Variants in C6 observed in about 807,000 individuals in gnomAD.
The protein encoded by C6 is complement component C6.
A neutral mutation model predicts 112.9 loss-of-function variants in C6; 101 were observed. That is an observed-to-expected ratio of 0.89 (90% CI 0.76 to 1.06). C6 has a LOEUF of 1.06. C6 is among the 50% of genes least tolerant of loss of function. C6 has a pLI of 0.00. For missense variants in C6, 1,202 were observed against 1,104.6 expected (o/e 1.09, Z -1.25); for synonymous variants, 431 against 384.1 (o/e 1.12, Z -1.43).
At chr5:41,219,226 A>G (rs1037944913) in intron 1 of C6, among the ~76,000 whole-genome samples, 1 of 152,176 alleles carries the variant, frequency 6.6e-6, no homozygotes, top group Non-Finnish European at 1.5e-5. Flanking sequence ...TTGAATATTT[A>G]CTAAGATTCT....
chr5:41,206,982 T>C (rs1437894873), intron 1 of C6, among the ~76,000 whole-genome samples: 1 of 152,084 alleles, frequency 6.6e-6, no homozygotes, highest in Non-Finnish European at 1.5e-5. Context: ...GAGAGAAAGG[T>C]CGGGTTACCC....
At chr5:41,208,095 C>T (rs546960219) in intron 1 of C6, among the ~76,000 whole-genome samples, 5 of 152,214 alleles carry the variant, frequency 3.3e-5, no homozygotes, top group African/African-American at 1.2e-4. Context: ...TACATGGAAA[C>T]TGAACAACCT....
chr5:41,144,830 G>A (rs1207669405), intron 17 of C6, among the ~76,000 whole-genome samples: 2 of 152,260 alleles, frequency 1.3e-5, no homozygotes, highest in East Asian at 3.9e-4. Flanking sequence ...GTAAGAACAC[G>A]TGGTATTTGG....
chr5:41,229,921 A>G (rs1257937389), intron 1 of C6, among the ~76,000 whole-genome samples: 1 of 152,186 alleles, frequency 6.6e-6, no homozygotes, highest in African/African-American at 2.4e-5. Context: ...AGGCAGAAGA[A>G]TATAAATTGT....
intron 17 of C6, among the ~76,000 whole-genome samples, chr5:41,148,176 T>A (rs1161680119): frequency 6.6e-6 from 1 of 152,310 alleles, no homozygotes; most frequent in Admixed American, 6.5e-5. Context: ...GCACTATTTA[T>A]GATAGCAAAA....
chr5:41,218,777 A>T (rs1307655632), intron 1 of C6, among the ~76,000 whole-genome samples: 8 of 152,162 alleles, frequency 5.3e-5, no homozygotes, highest in Admixed American at 3.9e-4. Flanking sequence ...CTTAAGCCGC[A>T]TGCAGGGAGA....
chr5:41,209,838 A>G (rs1309030508), intron 1 of C6, among the ~76,000 whole-genome samples: 1 of 152,206 alleles, frequency 6.6e-6, no homozygotes, highest in Non-Finnish European at 1.5e-5. Flanking sequence ...GCTACAAATG[A>G]CTTTCTTCAC....
At chr5:41,176,840 T>A (rs1173285260) in intron 7 of C6, 125 bp from the exon 8 acceptor site, 2 of 927,722 alleles carry the variant, frequency 2.2e-6, no homozygotes, top group East Asian at 5.3e-5. Flanking sequence ...ATTCTCACTC[T>A]CTATTGCATG....
chr5:41,180,962 T>C (rs576217361), intron 7 of C6, among the ~76,000 whole-genome samples: 5 of 152,134 alleles, frequency 3.3e-5, no homozygotes, highest in African/African-American at 1.2e-4. Context: ...TGTTATATTT[T>C]ATATATGTAT....
chr5:41,196,010 G>T, intron 4 of C6, 77 bp from the exon 5 acceptor site: 2 of 1,538,360 alleles, frequency 1.3e-6, no homozygotes, highest in Non-Finnish European at 8.9e-7. Flanking sequence ...AAACTCAAAT[G>T]CTTTAAATTT....
chr5:41,217,282 A>G (rs972991547), upstream of C6, among the ~76,000 whole-genome samples: 37 of 152,156 alleles, frequency 2.4e-4, no homozygotes, highest in African/African-American at 8.7e-4. Flanking sequence ...ATTGCCGGAT[A>G]TTATGATCAT....
intron 7 of C6, 76 bp from the exon 8 acceptor site, chr5:41,176,791 A>C: frequency 3.8e-6 from 5 of 1,320,916 alleles, no homozygotes; most frequent in Non-Finnish European, 5.3e-6. Context: ...AATGTCATTG[A>C]TTTATCATTA....
rs551432810 is a variant in C6, at chr5:41,256,875, G to A, written c.-21+4319C>T. ...GCCTCATGGTGCAATATCAGTGGGA[G>A]GTTCCCATACCCACTTTCCATCCCC... On this transcript the variant is annotated intron_variant, in intron 1 of 17. Transcript: ENST00000263413. Among the ~76,000 whole-genome samples the A allele has an allele frequency of 3.9e-5, 6 of 152,210 alleles. No homozygotes were observed. In the South Asian group the frequency reaches 1.0e-3, roughly 26 times the overall value.
chr5:41,242,959 G>C (rs1021484931), intron 1 of C6, among the ~76,000 whole-genome samples: 1 of 151,886 alleles, frequency 6.6e-6, no homozygotes, highest in Non-Finnish European at 1.5e-5. Context: ...GGAACTCATA[G>C]ACGCAGAGAG....
rs562110209 is a variant in C6, at chr5:41,188,277, G to A, written c.588-2069C>T. Among the ~76,000 whole-genome samples, 153 of 152,026 alleles carry A rather than the reference G, an allele frequency of 1.0e-3. 1 individual carries two copies. Among genetic ancestry groups the A allele is most frequent in the Non-Finnish European group, 1.7e-3 (114 of 67,898 alleles). ...GCCTTTTTTTGGTAAAAATTCACAA[G>A]ACAATTCTAAAATTCAAAAGACCCA... is the stretch of plus-strand genomic sequence containing the variant. On this transcript the variant is annotated intron_variant, in intron 5 of 17. Coordinates refer to ENST00000337836, the MANE Select transcript of C6 (RefSeq NM_000065.5).
intron 13 of C6, among the ~76,000 whole-genome samples, chr5:41,155,834 A>G (rs947143843): frequency 1.3e-5 from 2 of 152,198 alleles, no homozygotes; most frequent in African/African-American, 4.8e-5. Flanking sequence ...GCTAGAATAG[A>G]AAAACCATAT....
chr5:41,151,657 A>G (rs1044243558), intron 15 of C6, among the ~76,000 whole-genome samples: 1 of 152,154 alleles, frequency 6.6e-6, no homozygotes, highest in African/African-American at 2.4e-5. Context: ...CTTCAGTAGG[A>G]GAGTGCAGTG....
At chr5:41,206,209 C>T (rs1377878202) in intron 1 of C6, among the ~76,000 whole-genome samples, 1 of 152,148 alleles carries the variant, frequency 6.6e-6, no homozygotes, top group Admixed American at 6.5e-5. Context: ...CACCAAAACC[C>T]CATCTGTACG....
At chr5:41,161,949 G>A in intron 9 of C6, 90 bp from the exon 10 acceptor site, 1 of 1,295,912 alleles carries the variant, frequency 7.7e-7, no homozygotes, top group East Asian at 2.4e-5. Context: ...TGTACAGAAG[G>A]GAGAAGTAGA....
Sources: allele counts gnomAD v4.1 joint callset (sites outside exome capture counted in the v4.1 genomes callset), GRCh38; gene constraint gnomAD v4.1.1; transcripts MANE v1.5; gene names NCBI Gene and HGNC (gene_info 2026-07-23, HGNC 2026-07-21).